The following DOC2B variants were observed in gnomAD, a reference collection of about 807,000 sequenced individuals.
DOC2B encodes the protein double C2-like domain-containing protein beta.
A neutral mutation model predicts 28.9 loss-of-function variants in DOC2B; 21 were observed. That is an observed-to-expected ratio of 0.73 (90% CI 0.52 to 1.05). The LOEUF (loss-of-function observed/expected upper bound fraction) is 1.05. DOC2B is among the 50% of genes least tolerant of loss of function. The pLI is 0.00. For missense variants in DOC2B, 384 were observed against 421.1 expected, an observed-to-expected ratio of 0.91 and a Z score of 0.77; for synonymous variants, 194 against 178.1, an observed-to-expected ratio of 1.09 and a Z score of -0.71.
At chr17:179,227 A>G (rs2040405326) in intron 1 of DOC2B, among the ~76,000 whole-genome samples, 1 of 151,958 alleles carries the variant, frequency 6.6e-6, no homozygotes, top group Admixed American at 6.5e-5. Context: ...TGCACTGCTG[A>G]CCTCATGTGA....
At chr17:160,974 C>G (rs980159502) in intron 5 of DOC2B, among the ~76,000 whole-genome samples, 1 of 152,120 alleles carries the variant, frequency 6.6e-6, no homozygotes, top group Admixed American at 6.5e-5. Context: ...GCCCCTCAGG[C>G]TTCAGTGGCT....
rs2040062199 is a variant in DOC2B, at chr17:150,572, G to A, written c.924-1380C>T. On this transcript the variant is annotated intron_variant, in intron 6 of 8. Coordinates refer to ENST00000613549, the MANE Select transcript of DOC2B (RefSeq NM_003585.5). Reference sequence around the variant, plus strand: ...CTTGCTGGTTTGAGAGGCAGAAAATGATATCTCATAGTTGCTTTACTTTGC... The same window carrying A: ...CTTGCTGGTTTGAGAGGCAGAAAATAATATCTCATAGTTGCTTTACTTTGC... 2.0e-5 allele frequency among the ~76,000 whole-genome samples: 3 copies of A among 152,302 alleles called. No individual in the cohort carries two copies. In the South Asian group the frequency reaches 6.2e-4, roughly 32 times the overall value.
Position 181,171 on chromosome 17 carries a change from C to T in DOC2B, c.309G>A (p.Ala103=). The T allele has an allele frequency of 1.6e-6, 2 of 1,251,826 alleles. No individual in the cohort carries two copies. The highest frequency in any genetic ancestry group is 4.2e-5 in the Admixed American group (1 of 23,634). The allele number at this position is 1,251,826 out of a possible 1,614,324, so 77.5% of individuals were successfully genotyped here. The change falls in exon 1 of 9, where the codon GCG becomes GCA. Residue 103 remains alanine (A), a synonymous_variant. Coordinates refer to ENST00000613549, the MANE Select transcript of DOC2B (RefSeq NM_003585.5). The surrounding 1 kb of genome is among the most constrained non-coding windows in gnomAD (Gnocchi z 7.0). ...SPGPSPGPSP[A]RPPAKPPEDE... is the part of the protein sequence containing the mutation. ...CCTCCGGCGGCTTGGCTGGCGGCCG[C>T]GCGGGGCTGGGACCCGGGCTGGGGC...
At chr17:153,764 C>T (rs770687791) in intron 6 of DOC2B, among the ~76,000 whole-genome samples, 4 of 151,842 alleles carry the variant, frequency 2.6e-5, no homozygotes, top group Non-Finnish European at 2.9e-5. Context: ...GATATATACG[C>T]GTGAAATTCA....
intron 5 of DOC2B, 122 bp downstream of exon 5, chr17:161,292 TC>T (rs1182455317): frequency 1.9e-6 from 2 of 1,051,880 alleles, no homozygotes; most frequent in African/African-American, 1.6e-5. Flanking sequence ...CATGCTCACC[TC>T]CCCGGTCTCC....
rs1456894995 is a variant in DOC2B, at chr17:144,052, C to G, written c.*3389G>C. 11 of 88,814 alleles carry G rather than the reference C, an allele frequency of 1.2e-4. No homozygotes were observed. The highest frequency in any genetic ancestry group is 9.1e-5 in the African/African-American group (2 of 21,860). The allele number at this position is 88,814 out of a possible 1,614,324, so 5.5% of individuals were successfully genotyped here. A position where few individuals can be genotyped will look rare whatever the true frequency, so the allele number is the denominator to read the frequency against. On this transcript the variant is annotated 3_prime_UTR_variant, in exon 9 of 9. Coordinates refer to ENST00000613549, the MANE Select transcript of DOC2B (RefSeq NM_003585.5). Reference sequence around the variant, plus strand: ...CCGCTTCGGGGCTGGAAGACGGGCCCGTCGGGGATTGGCGCAGGCGGCGGG... The same window carrying G: ...CCGCTTCGGGGCTGGAAGACGGGCCGGTCGGGGATTGGCGCAGGCGGCGGG...
rs2040019647 is a variant in DOC2B, at chr17:146,427, AAG to A, written c.*1012_*1013del. 6.6e-6 allele frequency: 1 copy of A among 152,158 alleles called. No homozygotes were observed. The highest frequency in any genetic ancestry group is 2.4e-5 in the African/African-American group (1 of 41,410). 9.4% of individuals were successfully genotyped at this position (152,158 alleles called of 1,614,324 possible). ...GTCCTTGAGGTCCCTCAGGAGTAGAAAGAGATCAGAGTGGGAGACTTGGGTCT... is the reference window on the plus strand; with the variant it reads ...GTCCTTGAGGTCCCTCAGGAGTAGAAAGATCAGAGTGGGAGACTTGGGTCT... On this transcript the variant is annotated 3_prime_UTR_variant, in exon 9 of 9. Transcript: ENST00000613549.
chr17:164,700 C>T (rs535819852), intron 2 of DOC2B, among the ~76,000 whole-genome samples: 96 of 152,278 alleles, frequency 6.3e-4, no homozygotes, highest in Admixed American at 9.2e-4. Flanking sequence ...AGCAGACTGG[C>T]CACAGAGGGT....
chr17:173,931 T>G (rs112503307), intron 1 of DOC2B, among the ~76,000 whole-genome samples: 7,992 of 152,314 alleles, frequency 0.052, 224 homozygotes, highest in Non-Finnish European at 0.065. Flanking sequence ...TTTACATCTC[T>G]TCTGCGGCTG....
At position 143,196 on chromosome 17, in the gene DOC2B, G is replaced by A. The variant is rs1220056379; in HGVS notation, c.*4245C>T. ...CTGTAAAAGTATTTTAACCTCTCTGGGCCTTAGTTTCCCCATCTGTAACTT... is the reference window on the plus strand; with the variant it reads ...CTGTAAAAGTATTTTAACCTCTCTGAGCCTTAGTTTCCCCATCTGTAACTT... On this transcript the variant is annotated 3_prime_UTR_variant, in exon 9 of 9. Coordinates refer to ENST00000613549, the MANE Select transcript of DOC2B (RefSeq NM_003585.5). The A allele has an allele frequency of 6.6e-6, 1 of 152,014 alleles. No individual in the cohort carries two copies. Among genetic ancestry groups the A allele is most frequent in the African/African-American group, 2.4e-5 (1 of 41,354 alleles). The allele number at this position is 152,014 out of a possible 1,614,324, so 9.4% of individuals were successfully genotyped here.
At chr17:179,398 C>CAAAAAAAAAA (rs770987974) in intron 1 of DOC2B, among the ~76,000 whole-genome samples, 5,371 of 138,654 alleles carry the variant, frequency 0.039, 166 homozygotes, top group East Asian at 0.075. Flanking sequence ...TCAGAGACAG[C>CAAAAAAAAAA]AAAAAAAAGA....
In DOC2B at chr17:164,331, C is replaced by T. The variant is rs35338450; in HGVS notation, c.454-127G>A. On this transcript the variant is annotated intron_variant, in intron 2 of 8. Coordinates refer to ENST00000613549, the MANE Select transcript of DOC2B (RefSeq NM_003585.5). ...TCATGGCCCCTTTCACAGAAGCCCC[C>T]GGGCCCCACACCTCCAGATGGAGGG... The T allele has an allele frequency of 4.8e-5, 33 of 693,594 alleles. No individual in the cohort carries two copies. The Admixed American group carries it at 6.1e-4, about 13-fold the overall frequency. The allele number at this position is 693,594 out of a possible 1,614,324, so 43.0% of individuals were successfully genotyped here. A position where few individuals can be genotyped will look rare whatever the true frequency, so the allele number is the denominator to read the frequency against.
chr17:152,043 C>T (rs1019744703), intron 6 of DOC2B, among the ~76,000 whole-genome samples: 1 of 152,200 alleles, frequency 6.6e-6, no homozygotes, highest in Non-Finnish European at 1.5e-5. Flanking sequence ...TGGCGTCTCT[C>T]CCTCCCTTGC....
chr17:150,809 G>C (rs2040064647), intron 6 of DOC2B, among the ~76,000 whole-genome samples: 2 of 152,132 alleles, frequency 1.3e-5, no homozygotes, highest in Admixed American at 1.3e-4. Flanking sequence ...ACAAACTTGT[G>C]GTTTACCCAC....
chr17:172,934 C>T (rs934870456), intron 1 of DOC2B, among the ~76,000 whole-genome samples: 2 of 152,234 alleles, frequency 1.3e-5, no homozygotes, highest in Non-Finnish European at 2.9e-5. Context: ...TTCCTGCCCT[C>T]CTGGTGCAAC....
intron 6 of DOC2B, among the ~76,000 whole-genome samples, chr17:152,295 G>A (rs1333443469): frequency 6.6e-6 from 1 of 152,198 alleles, no homozygotes; most frequent in Non-Finnish European, 1.5e-5. Flanking sequence ...AGGCTGCTGA[G>A]CGCGTCACAC....
chr17:158,801 T>C (rs2040165238), intron 5 of DOC2B, among the ~76,000 whole-genome samples: 1 of 152,116 alleles, frequency 6.6e-6, no homozygotes, highest in Non-Finnish European at 1.5e-5. Flanking sequence ...CCCCAGCACT[T>C]TGGGAGGCCA....
rs565350200 is a variant in DOC2B at position 162,029 on chromosome 17, G to A, written c.638+52C>T. Reference sequence around the variant, plus strand: ...AGTCCTGCCTTCATTAGGAAAAGCCGGGTGGGAGTAGGGGTTGGGGAGGGA... The same window carrying A: ...AGTCCTGCCTTCATTAGGAAAAGCCAGGTGGGAGTAGGGGTTGGGGAGGGA... On this transcript the variant is annotated intron_variant, in intron 4 of 8. Coordinates refer to ENST00000613549, the MANE Select transcript of DOC2B (RefSeq NM_003585.5). 1.4e-3 allele frequency: 1,855 copies of A among 1,294,548 alleles called. 5 individuals carry two copies. Among genetic ancestry groups the A allele is most frequent in the Non-Finnish European group, 1.8e-3 (1,599 of 913,218 alleles). The allele number at this position is 1,294,548 out of a possible 1,614,324, so 80.2% of individuals were successfully genotyped here. A position where few individuals can be genotyped will look rare whatever the true frequency, so the allele number is the denominator to read the frequency against.
At chr17:148,300 T>TGCCTGG (rs1267582247) in intron 7 of DOC2B, 31 bp from the exon 8 acceptor site, 34 of 398,620 alleles carry the variant, frequency 8.5e-5, no homozygotes, top group Non-Finnish European at 1.3e-4. Context: ...TTAGGGCTGA[T>TGCCTGG]GCCTGGGCCT....
Sources: allele counts gnomAD v4.1 joint callset (sites outside exome capture counted in the v4.1 genomes callset), GRCh38; gene constraint gnomAD v4.1.1; non-coding constraint Gnocchi (gnomAD v3.1); transcripts MANE v1.5; gene names NCBI Gene and HGNC (gene_info 2026-07-23, HGNC 2026-07-21).